GABRA4: variants seen among roughly 807,000 people sequenced by gnomAD.
GABRA4 encodes gamma-aminobutyric acid receptor subunit alpha-4.
Under a neutral mutation model 49.7 loss-of-function variants are expected in GABRA4, and 12 were observed. The ratio of observed to expected loss-of-function variants is 0.24; its 90% CI spans 0.15 to 0.39. GABRA4 has a LOEUF of 0.39. Among genes scored for constraint, GABRA4 ranks in the 10% least tolerant of loss-of-function variants. The pLI, the probability that GABRA4 is intolerant of heterozygous loss-of-function variation, is 1.00. For synonymous variants in GABRA4, 288 were observed against 240.2 expected (o/e 1.20, Z -1.84); for missense variants, 506 against 686.0 (o/e 0.74, Z 2.93).
chr4:46,974,158 C>T, intron 6 of GABRA4, 74 bp downstream of exon 6: 5 of 1,454,364 alleles, frequency 3.4e-6, no homozygotes, highest in South Asian at 2.9e-5. Flanking sequence ...TTAACTATTT[C>T]AATGAAAAAG....
At chr4:46,937,756 G>A (rs1291301924) in intron 8 of GABRA4, among the ~76,000 whole-genome samples, 1 of 152,088 alleles carries the variant, frequency 6.6e-6, no homozygotes, top group Non-Finnish European at 1.5e-5. Context: ...GGTAACTCTT[G>A]AGTTATTTTC....
At chr4:46,953,051 C>T (rs918575811) in intron 8 of GABRA4, among the ~76,000 whole-genome samples, 2 of 152,032 alleles carry the variant, frequency 1.3e-5, no homozygotes, top group East Asian at 1.9e-4. Flanking sequence ...GGGGAAGTGA[C>T]GGAGTAAATG....
At chr4:46,944,368 A>G (rs1225122060) in intron 8 of GABRA4, among the ~76,000 whole-genome samples, 1 of 152,122 alleles carries the variant, frequency 6.6e-6, no homozygotes, top group African/African-American at 2.4e-5. Context: ...TCCCCCACAT[A>G]CTTTGGGAAG....
chr4:46,983,900 G>A (rs951778239), intron 2 of GABRA4, among the ~76,000 whole-genome samples: 1 of 152,006 alleles, frequency 6.6e-6, no homozygotes, highest in African/African-American at 2.4e-5. Flanking sequence ...TTGACAGTCT[G>A]TAAGGTAAAC....
At chr4:46,955,667 C>A (rs1005642787) in intron 8 of GABRA4, among the ~76,000 whole-genome samples, 1 of 151,942 alleles carries the variant, frequency 6.6e-6, no homozygotes, top group African/African-American at 2.4e-5. Flanking sequence ...AACATACTGA[C>A]AGTTGATAGG....
intron 8 of GABRA4, among the ~76,000 whole-genome samples, chr4:46,955,120 A>G (rs1722296347): frequency 6.6e-6 from 1 of 152,144 alleles, no homozygotes; most frequent in South Asian, 2.1e-4. Flanking sequence ...TTCATTTGCC[A>G]TGCTATTTAT....
chr4:46,945,802 G>A (rs1721961239), intron 8 of GABRA4, among the ~76,000 whole-genome samples: 1 of 152,108 alleles, frequency 6.6e-6, no homozygotes, highest in Non-Finnish European at 1.5e-5. Context: ...TGAAAAAGTA[G>A]CCTACAGGCT....
At position 46,926,146 on chromosome 4, in the gene GABRA4, A is replaced by G. The variant is rs1219344188; in HGVS notation, c.*2079T>C. On this transcript the variant is annotated 3_prime_UTR_variant, in exon 9 of 9. Transcript: ENST00000264318. Reference sequence around the variant, plus strand: ...TCAGAATAGTGAACTATCAGTTTCCAGCATAGTTCCTGGAACAAAGTACGC... The same window carrying G: ...TCAGAATAGTGAACTATCAGTTTCCGGCATAGTTCCTGGAACAAAGTACGC... 6.6e-6 allele frequency: 1 copy of G among 151,956 alleles called. No homozygotes were observed. Among genetic ancestry groups the G allele is most frequent in the Non-Finnish European group, 1.5e-5 (1 of 67,874 alleles). The allele number at this position is 151,956 out of a possible 1,614,324, so 9.4% of individuals were successfully genotyped here.
chr4:46,953,475 C>T (rs1418461957), intron 8 of GABRA4, among the ~76,000 whole-genome samples: 1 of 152,066 alleles, frequency 6.6e-6, no homozygotes, highest in African/African-American at 2.4e-5. Context: ...TGTTGATGCA[C>T]ATAAAATAGA....
chr4:46,963,916 C>A (rs1026508645), intron 8 of GABRA4, among the ~76,000 whole-genome samples: 1 of 151,754 alleles, frequency 6.6e-6, no homozygotes, highest in Non-Finnish European at 1.5e-5. Context: ...TGGGTGTATA[C>A]CCAAAAGAAA....
intron 7 of GABRA4, among the ~76,000 whole-genome samples, chr4:46,966,283 G>A (rs1722749162): frequency 6.6e-6 from 1 of 151,600 alleles, no homozygotes; most frequent in South Asian, 2.1e-4. Context: ...ACACATTTGG[G>A]GATGGTGATG....
At chr4:46,963,945 G>C (rs987590014) in intron 8 of GABRA4, among the ~76,000 whole-genome samples, 2 of 151,846 alleles carry the variant, frequency 1.3e-5, no homozygotes, top group Non-Finnish European at 2.9e-5. Flanking sequence ...GTATATCAGA[G>C]AGATATCTGC....
chr4:46,971,143 T>C lies in GABRA4; in HGVS notation c.814A>G (p.Ile272Val), dbSNP rs1397079327. The change falls in exon 7 of 9, where the codon ATT becomes GTT. Residue 272 changes from isoleucine to valine, a missense_variant. Around this residue, in one of 5 missense-constraint regions of GABRA4, gnomAD observed 33 missense variants for 102.5 expected, o/e 0.32. Coordinates refer to ENST00000264318, the MANE Select transcript of GABRA4 (RefSeq NM_000809.4). ...QTYIPCIMTV[I>V]LSQVSFWINK... is the part of the protein sequence containing the mutation. Reference sequence around the variant, plus strand: ...ATCCAAAATGAAACTTGAGAAAGAATCACTGTCATAATGCACGGAATATAG... The same window carrying C: ...ATCCAAAATGAAACTTGAGAAAGAACCACTGTCATAATGCACGGAATATAG... 1 of 1,609,722 alleles carries C rather than the reference T, an allele frequency of 6.2e-7. No homozygotes were observed. The highest frequency in any genetic ancestry group is 1.1e-5 in the South Asian group (1 of 90,928).
At chr4:46,950,393 CAAATCA>C (rs751593282) in intron 8 of GABRA4, among the ~76,000 whole-genome samples, 15 of 151,956 alleles carry the variant, frequency 9.9e-5, no homozygotes, top group Non-Finnish European at 1.6e-4. Context: ...TTTAAAAATG[CAAATCA>C]CTATCATCAT....
chr4:46,928,054 A>G lies in GABRA4; in HGVS notation c.*171T>C. ...ATTTTTCTGAAAAAAAACATAGTTC[A>G]CTTTTTCACTCAGGAATTAATTAAC... On this transcript the variant is annotated 3_prime_UTR_variant, in exon 9 of 9. Coordinates refer to ENST00000264318, the MANE Select transcript of GABRA4 (RefSeq NM_000809.4). 1 of 571,810 alleles carries G rather than the reference A, an allele frequency of 1.7e-6. No homozygotes were observed. Among genetic ancestry groups the G allele is most frequent in the South Asian group, 3.0e-5 (1 of 33,478 alleles). 35.4% of individuals were successfully genotyped at this position (571,810 alleles called of 1,614,324 possible).
chr4:46,964,267 G>A (rs1722676389), intron 8 of GABRA4, among the ~76,000 whole-genome samples: 1 of 151,828 alleles, frequency 6.6e-6, no homozygotes, highest in African/African-American at 2.4e-5. Context: ...AGACTGGGAA[G>A]GGTAGCGGGA....
At chr4:46,950,160 AAG>A (rs1722120564) in intron 8 of GABRA4, among the ~76,000 whole-genome samples, 1 of 152,102 alleles carries the variant, frequency 6.6e-6, no homozygotes, top group Non-Finnish European at 1.5e-5. Context: ...AGCTAAGCAC[AAG>A]AGAGAGTGCC....
chr4:46,932,938 A>G lies in GABRA4; in HGVS notation c.1135-4183T>C, dbSNP rs1165009324. Among the ~76,000 whole-genome samples the G allele has an allele frequency of 5.9e-5, 9 of 152,152 alleles. No homozygotes were observed. In the East Asian group the frequency reaches 1.7e-3, roughly 29 times the overall value. ...AGTTGGAAAACTATATTCTGATGAT[A>G]TCTACTATTGGATAAGTTATAAATA... On this transcript the variant is annotated intron_variant, in intron 8 of 8. Coordinates refer to ENST00000264318, the MANE Select transcript of GABRA4 (RefSeq NM_000809.4).
At chr4:46,970,961 A>G (rs557978691) in intron 7 of GABRA4, 122 bp downstream of exon 7, 2 of 880,310 alleles carry the variant, frequency 2.3e-6, no homozygotes, top group East Asian at 2.7e-5. Flanking sequence ...AATGAAAGCC[A>G]TGTGATTCCT....
Sources: gnomAD v4.1 joint callset for allele counts (sites outside exome capture counted in the v4.1 genomes callset) on GRCh38, gnomAD v4.1.1 for gene constraint, gnomAD v4.1.1 regional missense constraint, MANE v1.5 for transcripts, NCBI Gene and HGNC (gene_info 2026-07-23, HGNC 2026-07-21) for gene names.